LRIG1: variants seen among roughly 807,000 people sequenced by gnomAD.
LRIG1 encodes the protein leucine-rich repeats and immunoglobulin-like domains protein 1.
A neutral mutation model predicts 99.2 loss-of-function variants in LRIG1; 48 were observed. That is an observed-to-expected ratio of 0.48 (90% CI 0.38 to 0.62). The LOEUF is 0.62. LRIG1 is among the 20% of genes least tolerant of loss of function. The pLI, the probability that LRIG1 is intolerant of heterozygous loss-of-function variation, is 0.00. For synonymous variants in LRIG1, 772 were observed against 596.1 expected (o/e 1.29, Z -4.30); for missense variants, 1,646 against 1,434.4 (o/e 1.15, Z -2.38).
At chr3:66,462,593 C>T in intron 1 of LRIG1, 84 bp from the exon 2 acceptor site, 1 of 893,610 alleles carries the variant, frequency 1.1e-6, no homozygotes, top group Non-Finnish European at 1.8e-6. Context: ...TCTCCTGGCT[C>T]CCCCACCCTC....
chr3:66,410,215 C>T lies in LRIG1; in HGVS notation c.849G>A (p.Thr283=), dbSNP rs995881476. 5.6e-6 allele frequency: 9 copies of T among 1,613,980 alleles called. No individual in the cohort carries two copies. In the African/African-American group the frequency reaches 9.3e-5, roughly 17 times the overall value. ...EVNSGSLYGL[T]ALHQLHLSNN... Reference sequence around the variant, plus strand: ...TGCTGAGGTGGAGCTGATGCAGGGCCGTGAGGCCGTAGAGCGAGCCGCTGT... The same window carrying T: ...TGCTGAGGTGGAGCTGATGCAGGGCTGTGAGGCCGTAGAGCGAGCCGCTGT... Residue 283 remains threonine, a synonymous_variant, in exon 7 of 19, where the codon ACG becomes ACA. Transcript: ENST00000273261.
intron 14 of LRIG1, 88 bp from the exon 15 acceptor site, chr3:66,383,489 C>T (rs1449437003): frequency 8.5e-7 from 1 of 1,180,872 alleles, no homozygotes; most frequent in East Asian, 2.4e-5. Flanking sequence ...GACAATCCAA[C>T]ATATCAATGA....
intron 1 of LRIG1, among the ~76,000 whole-genome samples, chr3:66,495,605 C>G (rs1701208772): frequency 6.6e-6 from 1 of 152,212 alleles, no homozygotes; most frequent in Non-Finnish European, 1.5e-5. Context: ...TCCTTTACTG[C>G]ATATAACAAC....
chr3:66,466,730 A>T (rs188548603), intron 1 of LRIG1, among the ~76,000 whole-genome samples: 21 of 152,336 alleles, frequency 1.4e-4, no homozygotes, highest in African/African-American at 4.8e-4. Context: ...TTCTATGAAC[A>T]CGATCGCCCT....
chr3:66,381,875 C>G (rs1701090855), intron 16 of LRIG1, among the ~76,000 whole-genome samples: 1 of 152,054 alleles, frequency 6.6e-6, no homozygotes, highest in South Asian at 2.1e-4. Flanking sequence ...TGCTCAGAGG[C>G]CCCCACCGTT....
Position 66,405,267 on chromosome 3 carries a change from T to C in LRIG1, c.1091A>G (p.His364Arg), listed in dbSNP as rs146292518. ...LRSLRVLDLD[H>R]NEISGTIEDT... Reference sequence around the variant, plus strand: ...CTCTATTGTGCCCGAAATCTCGTTATGGTCCAGATCCCTGGGGAGAGGACA... The same window carrying C: ...CTCTATTGTGCCCGAAATCTCGTTACGGTCCAGATCCCTGGGGAGAGGACA... The change falls in exon 9 of 19, where the codon CAT (histidine) becomes CGT (arginine). Residue 364 changes from histidine (H) to arginine (R), a missense_variant. Coordinates refer to ENST00000273261, the MANE Select transcript of LRIG1 (RefSeq NM_015541.3). The C allele has an allele frequency of 3.0e-5, 48 of 1,613,958 alleles. No homozygotes were observed. Among genetic ancestry groups the C allele is most frequent in the Non-Finnish European group, 3.8e-5 (45 of 1,179,924 alleles).
At chr3:66,468,516 C>G (rs549807777) in intron 1 of LRIG1, among the ~76,000 whole-genome samples, 1 of 152,200 alleles carries the variant, frequency 6.6e-6, no homozygotes, top group Admixed American at 6.5e-5. Flanking sequence ...CTGAGCGCCA[C>G]AGTATTTTGC....
At chr3:66,384,949 T>C (rs1001259743) in intron 13 of LRIG1, among the ~76,000 whole-genome samples, 1 of 152,174 alleles carries the variant, frequency 6.6e-6, no homozygotes, top group Non-Finnish European at 1.5e-5. Flanking sequence ...TGTGAGGACT[T>C]GGAATAAGCC....
chr3:66,396,105 G>A (rs1395386699), intron 11 of LRIG1, among the ~76,000 whole-genome samples: 1 of 152,238 alleles, frequency 6.6e-6, no homozygotes, highest in East Asian at 1.9e-4. Context: ...TGGGGCTAAC[G>A]CCTTTGAGGA....
chr3:66,465,858 C>T (rs1027232121), intron 1 of LRIG1, among the ~76,000 whole-genome samples: 1 of 152,150 alleles, frequency 6.6e-6, no homozygotes, highest in Non-Finnish European at 1.5e-5. Context: ...AACACTAGCT[C>T]CTCATTCCCC....
intron 1 of LRIG1, among the ~76,000 whole-genome samples, chr3:66,484,124 G>C (rs868855070): frequency 1.3e-5 from 2 of 152,222 alleles, no homozygotes; most frequent in African/African-American, 4.8e-5. Flanking sequence ...CTTTGGTGGA[G>C]GGTGGTGAGG....
At position 66,451,624 on chromosome 3, in the gene LRIG1, A is replaced by G; in HGVS notation, c.300T>C (p.Asn100=). The change falls in exon 3 of 19, where the codon AAT becomes AAC. Residue 100 remains asparagine (N), a synonymous_variant. Transcript: ENST00000273261. ...ATGGTACCGCTGTCAACTCATTATT[A>G]TTGAGGTACCTGTAACAACAACAAG... ...DLPNLQEVYL[N]NNELTAVPSL... The G allele has an allele frequency of 1.2e-6, 2 of 1,613,402 alleles. No individual in the cohort carries two copies. The highest frequency in any genetic ancestry group is 1.7e-6 in the Non-Finnish European group (2 of 1,179,376).
chr3:66,381,444 GA>G (rs780987170), intron 17 of LRIG1, 34 bp downstream of exon 17: 164 of 1,594,758 alleles, frequency 1.0e-4, no homozygotes, highest in Non-Finnish European at 1.4e-4. Context: ...TTCCATTTCA[GA>G]AAGAAACTAC....
chr3:66,410,067 G>C (rs1702414055), intron 7 of LRIG1, 62 bp downstream of exon 7: 1 of 1,531,420 alleles, frequency 6.5e-7, no homozygotes, highest in South Asian at 1.3e-5. Flanking sequence ...ACCAGGCCTA[G>C]CACTTTCACC....
chr3:66,447,474 A>T (rs1703766562), intron 3 of LRIG1, among the ~76,000 whole-genome samples: 1 of 152,204 alleles, frequency 6.6e-6, no homozygotes, highest in African/African-American at 2.4e-5. Flanking sequence ...AAACCTAAGG[A>T]ATTTTAATAG....
intron 1 of LRIG1, among the ~76,000 whole-genome samples, chr3:66,468,101 C>T (rs571636073): frequency 2.6e-5 from 4 of 152,210 alleles, no homozygotes; most frequent in Non-Finnish European, 5.9e-5. Flanking sequence ...ATCTGACAAG[C>T]ACCTTCCTGG....
intron 6 of LRIG1, among the ~76,000 whole-genome samples, chr3:66,411,589 G>A (rs1418322954): frequency 2.0e-5 from 3 of 152,168 alleles, no homozygotes. Context: ...CATCCTCACT[G>A]TTCACAGAGT....
chr3:66,484,484 G>A (rs1188512881), intron 1 of LRIG1, among the ~76,000 whole-genome samples: 6 of 152,162 alleles, frequency 3.9e-5, no homozygotes, highest in African/African-American at 7.2e-5. Flanking sequence ...TAAAGGGAAC[G>A]TCAGCCATGG....
At chr3:66,400,828 A>C (rs1288108110) in intron 9 of LRIG1, among the ~76,000 whole-genome samples, 1 of 152,156 alleles carries the variant, frequency 6.6e-6, no homozygotes, top group Admixed American at 6.5e-5. Context: ...TCCTGACTGC[A>C]ACAGGCCTCC....
Sources: gnomAD v4.1 joint callset for allele counts (sites outside exome capture counted in the v4.1 genomes callset) on GRCh38, gnomAD v4.1.1 for gene constraint, MANE v1.5 for transcripts, NCBI Gene and HGNC (gene_info 2026-07-23, HGNC 2026-07-21) for gene names.